The following ZNF589 variants were observed in gnomAD, a reference collection of about 807,000 sequenced individuals.
ZNF589 encodes the protein KRAB-zinc finger protein SZF1-1.
Under a neutral mutation model 13.6 loss-of-function variants are expected in ZNF589, and 17 were observed. The ratio of observed to expected loss-of-function variants is 1.25; its 90% CI spans 0.86 to 1.88. The LOEUF is 1.88. Among genes scored for constraint, ZNF589 ranks in the 40% most tolerant of loss-of-function variants. ZNF589 has a pLI of 0.00. For synonymous variants in ZNF589, 148 were observed against 161.6 expected, an observed-to-expected ratio of 0.92 and a Z score of 0.64; for missense variants, 407 against 434.0, an observed-to-expected ratio of 0.94 and a Z score of 0.55.
intron 3 of ZNF589, among the ~76,000 whole-genome samples, chr3:48,263,006 A>G (rs563044903): frequency 8.0e-4 from 122 of 152,304 alleles, no homozygotes; most frequent in African/African-American, 2.7e-3. Flanking sequence ...CATGTCCACA[A>G]TGATCTTCCT....
chr3:48,267,613 T>G (rs1014429121), intron 3 of ZNF589, among the ~76,000 whole-genome samples: 3 of 152,152 alleles, frequency 2.0e-5, no homozygotes, highest in African/African-American at 7.2e-5. Context: ...GGCAGTATGG[T>G]CTCAATCTCT....
chr3:48,263,863 G>A (rs2033993681), intron 3 of ZNF589, among the ~76,000 whole-genome samples: 1 of 152,164 alleles, frequency 6.6e-6, no homozygotes, highest in African/African-American at 2.4e-5. Context: ...TAAAAAGGAG[G>A]CTTTTGTTCT....
chr3:48,259,918 CAAAAAAAAAA>C (rs538817691), intron 2 of ZNF589, among the ~76,000 whole-genome samples: 2 of 98,162 alleles, frequency 2.0e-5, no homozygotes. Flanking sequence ...GACTCCGTAT[CAAAAAAAAAA>C]AAAAAAAAAT....
At chr3:48,250,306 C>CTTTTT (rs34016179) in intron 2 of ZNF589, among the ~76,000 whole-genome samples, 17 of 116,818 alleles carry the variant, frequency 1.5e-4, no homozygotes, top group East Asian at 2.4e-4. Context: ...TCTCTACTTT[C>CTTTTT]TTTTTTTTTT....
chr3:48,268,108 G>T lies in ZNF589; in HGVS notation c.417G>T (p.Gly139=). Residue 139 remains glycine, a synonymous_variant, in exon 4 of 4, where the codon GGG becomes GGT. Coordinates refer to ENST00000354698, the MANE Select transcript of ZNF589 (RefSeq NM_016089.3). The stretch of plus-strand genomic sequence containing the variant: ...ATCCTTCTGATAAAAATCACAGGGG[G>T]GCTGAAGCAGAAGATCAACGAGTGG... ...SQHPSDKNHR[G]AEAEDQRVEG... 1 of 1,614,196 alleles carries T rather than the reference G, an allele frequency of 6.2e-7. No homozygotes were observed. The highest frequency in any genetic ancestry group is 1.1e-5 in the South Asian group (1 of 91,078).
chr3:48,268,705 G>A lies in ZNF589; in HGVS notation c.1014G>A (p.Gly338=), dbSNP rs1433881574. ...AATCGTTTATGTGCACAGTGTGTGG[G>A]CGAGGCTTTCGTGAAAAGTCAGAGC... The part of the protein sequence containing the change: ...REKSFMCTVC[G]RGFREKSELI... Residue 338 remains glycine (G), a synonymous_variant, in exon 4 of 4, where the codon GGG becomes GGA. Transcript: ENST00000354698. The A allele has an allele frequency of 1.9e-6, 3 of 1,614,230 alleles. No homozygotes were observed. The highest frequency in any genetic ancestry group is 3.3e-5 in the Admixed American group (2 of 60,030).
At chr3:48,244,677 G>A (rs76227692) in intron 1 of ZNF589, among the ~76,000 whole-genome samples, 1,696 of 151,030 alleles carry the variant, frequency 0.011, 33 homozygotes, top group African/African-American at 0.039. Context: ...CAGCAGGGGT[G>A]ATGTCATTAT....
At chr3:48,258,041 G>A in intron 2 of ZNF589, 1 of 372,140 alleles carries the variant, frequency 2.7e-6, no homozygotes. Context: ...ATTAGGATAA[G>A]TTGTCTATAT....
At chr3:48,241,903 T>C (rs1378572272) in intron 1 of ZNF589, among the ~76,000 whole-genome samples, 1 of 151,938 alleles carries the variant, frequency 6.6e-6, no homozygotes, top group Non-Finnish European at 1.5e-5. Flanking sequence ...CAGCCTCCGC[T>C]TTCCCAGGCT....
chr3:48,269,409 C>T lies in ZNF589; in HGVS notation c.*623C>T. On this transcript the variant is annotated 3_prime_UTR_variant, in exon 4 of 4. Coordinates refer to ENST00000354698, the MANE Select transcript of ZNF589 (RefSeq NM_016089.3). ...TTTTGTGATAAATCAACTCTCCTCG[C>T]ACACGAGCAGACACATTCAGGGGAG... 2.0e-6 allele frequency: 1 copy of T among 503,872 alleles called. No individual in the cohort carries two copies. The highest frequency in any genetic ancestry group is 3.6e-6 in the Non-Finnish European group (1 of 280,236). The allele number at this position is 503,872 out of a possible 1,614,324, so 31.2% of individuals were successfully genotyped here. A position where few individuals can be genotyped will look rare whatever the true frequency, so the allele number is the denominator to read the frequency against.
chr3:48,262,299 C>T (rs2033976438), intron 3 of ZNF589, among the ~76,000 whole-genome samples: 2 of 152,120 alleles, frequency 1.3e-5, no homozygotes, highest in Admixed American at 6.6e-5. Context: ...AAGTGATTCT[C>T]CTGCCTCAGC....
At chr3:48,260,976 A>T (rs755985820) in intron 3 of ZNF589, 37 bp downstream of exon 3, 14 of 1,610,586 alleles carry the variant, frequency 8.7e-6, no homozygotes, top group Non-Finnish European at 1.1e-5. Flanking sequence ...TTTCCATTCA[A>T]GTATTTACTG....
rs765335079 is a variant in ZNF589 at position 48,270,086 on chromosome 3, T to G, written c.*1300T>G. 4.4e-6 allele frequency: 2 copies of G among 457,112 alleles called. No homozygotes were observed. The allele number at this position is 457,112 out of a possible 1,614,324, so 28.3% of individuals were successfully genotyped here. A position where few individuals can be genotyped will look rare whatever the true frequency, so the allele number is the denominator to read the frequency against. The stretch of plus-strand genomic sequence containing the variant: ...GTCTTTGCATCTGACTACTTCCTTC[T>G]GCAACTGTGTTCTTCCATTAGCTTC... On this transcript the variant is annotated 3_prime_UTR_variant, in exon 4 of 4. Transcript: ENST00000354698.
intron 3 of ZNF589, among the ~76,000 whole-genome samples, chr3:48,262,251 G>T (rs2033975795): frequency 6.6e-6 from 1 of 152,062 alleles, no homozygotes; most frequent in African/African-American, 2.4e-5. Flanking sequence ...GTGCAGTGAT[G>T]CGATCTTGGC....
At position 48,268,202 on chromosome 3, in the gene ZNF589, T is replaced by C. The variant is rs575541103; in HGVS notation, c.511T>C (p.Phe171Leu). The C allele has an allele frequency of 6.2e-7, 1 of 1,608,768 alleles. No homozygotes were observed. The highest frequency in any genetic ancestry group is 1.1e-5 in the South Asian group (1 of 90,240). ...GGCTTTAGTGGGTTTCTCTAGCCTG[T>C]TCCAGAGACCACCAATAAGCTCTTG... ...RGALVGFSSL[F>L]QRPPISSWGG... Residue 171 changes from phenylalanine to leucine, a missense_variant, in exon 4 of 4, where the codon TTC becomes CTC. By Grantham distance (22) the Phe-to-Leu change is conservative. Transcript: ENST00000354698.
At chr3:48,248,106 G>GTATC (rs1161457268) in intron 2 of ZNF589, among the ~76,000 whole-genome samples, 1 of 152,142 alleles carries the variant, frequency 6.6e-6, no homozygotes, top group East Asian at 1.9e-4. Context: ...TAACTCTTCT[G>GTATC]TATCCATCAT....
In ZNF589 at chr3:48,270,852, G is replaced by T. The variant is rs1575297704; in HGVS notation, c.*2066G>T. On this transcript the variant is annotated 3_prime_UTR_variant, in exon 4 of 4. Coordinates refer to ENST00000354698, the MANE Select transcript of ZNF589 (RefSeq NM_016089.3). ...CCAAGGTTAGCCTGCTTAGGGGAAG[G>T]GCTAGGGGTACCTGGAATGTAGGAT... The T allele has an allele frequency of 3.6e-5, 6 of 166,200 alleles. No homozygotes were observed. Among genetic ancestry groups the T allele is most frequent in the Admixed American group, 3.0e-4 (5 of 16,538 alleles). 10.3% of individuals were successfully genotyped at this position (166,200 alleles called of 1,614,324 possible). A position where few individuals can be genotyped will look rare whatever the true frequency, so the allele number is the denominator to read the frequency against.
intron 1 of ZNF589, among the ~76,000 whole-genome samples, chr3:48,246,150 C>CA (rs1559979291): frequency 6.6e-6 from 1 of 151,960 alleles, no homozygotes; most frequent in East Asian, 1.9e-4. Context: ...CCCATCTCTA[C>CA]AAAAAATACA....
intron 2 of ZNF589, among the ~76,000 whole-genome samples, chr3:48,249,406 C>G (rs894741386): frequency 6.6e-6 from 1 of 152,134 alleles, no homozygotes; most frequent in African/African-American, 2.4e-5. Flanking sequence ...CCCGGCCCAT[C>G]TTATGTTTTC....
Sources: gnomAD v4.1 joint callset for allele counts (sites outside exome capture counted in the v4.1 genomes callset) on GRCh38, gnomAD v4.1.1 for gene constraint, MANE v1.5 for transcripts, NCBI Gene and HGNC (gene_info 2026-07-23, HGNC 2026-07-21) for gene names.